The following CHRDL2 variants were observed in gnomAD, a reference collection of about 807,000 sequenced individuals.
CHRDL2 encodes chordin like 2.
In CHRDL2, 41 loss-of-function variants were observed where a neutral mutation model predicts 54.3. The observed-to-expected ratio is 0.76, with a 90% CI of 0.59 to 0.98. The LOEUF is 0.98. Among genes scored for constraint, CHRDL2 ranks in the 50% least tolerant of loss-of-function variants. The probability of loss-of-function intolerance (pLI) is 0.00; values close to 1 mark genes in which losing one functional copy is unlikely to be tolerated. For missense variants in CHRDL2, 518 were observed against 562.4 expected (o/e 0.92, Z 0.80); for synonymous variants, 220 against 224.3 (o/e 0.98, Z 0.17).
chr11:74,710,781 C>A, intron 4 of CHRDL2, 68 bp downstream of exon 4: 1 of 1,560,302 alleles, frequency 6.4e-7, no homozygotes, highest in South Asian at 1.2e-5. Flanking sequence ...AGTCCGCAGT[C>A]CAGGCTACTA....
chr11:74,704,504 T>A lies in CHRDL2; in HGVS notation c.733A>T (p.Lys245Ter). 6.3e-7 allele frequency: 1 copy of A among 1,584,316 alleles called. No individual in the cohort carries two copies. The highest frequency in any genetic ancestry group is 1.9e-5 in the Admixed American group (1 of 52,402). ...TCCCCACCTTTCTTATGTTTCTCCT[T>A]CAGGACGATCTTGACAGTTGTGCTG... ...AGSTTVKIVLKEKHKKACVHG... is the reference protein window; with the variant it reads ...AGSTTVKIVL The change falls in exon 7 of 11, where the codon AAG becomes TAG. Residue 245 changes from lysine to a stop codon, truncating the protein, a stop_gained. Coordinates refer to ENST00000376332, the MANE Select transcript of CHRDL2 (RefSeq NM_001278473.3). LOFTEE classifies it high-confidence loss of function.
chr11:74,703,251 G>T, intron 8 of CHRDL2, 54 bp downstream of exon 8: 1 of 1,519,508 alleles, frequency 6.6e-7, no homozygotes, highest in South Asian at 1.3e-5. Flanking sequence ...TGGGGAGAGA[G>T]ACCCAGGGCT....
At chr11:74,726,738 A>C (rs968490057) in intron 1 of CHRDL2, among the ~76,000 whole-genome samples, 1 of 152,192 alleles carries the variant, frequency 6.6e-6, no homozygotes, top group African/African-American at 2.4e-5. Context: ...TGCGCCAGTG[A>C]GTGAGGCAGA....
At chr11:74,707,380 A>G (rs1211572900) in intron 5 of CHRDL2, among the ~76,000 whole-genome samples, 2 of 152,010 alleles carry the variant, frequency 1.3e-5, no homozygotes, top group Admixed American at 6.6e-5. Context: ...CCTGAGTGCC[A>G]CCTCCTCCAG....
At chr11:74,725,007 T>C (rs1331902874) in intron 1 of CHRDL2, among the ~76,000 whole-genome samples, 2 of 152,048 alleles carry the variant, frequency 1.3e-5, no homozygotes, top group Non-Finnish European at 2.9e-5. Context: ...TTCTTTTTTT[T>C]TTTTTGAGAT....
chr11:74,727,357 C>T lies in CHRDL2; in HGVS notation c.82+3450G>A, dbSNP rs61896999. ...GGGTCCGGAATTCATCACCTGGGAA[C>T]GAAAGCTTCGATTCCCATAATAAAC... On this transcript the variant is annotated intron_variant, in intron 1 of 10. Coordinates refer to ENST00000376332, the MANE Select transcript of CHRDL2 (RefSeq NM_001278473.3). Among the ~76,000 whole-genome samples, 631 of 152,172 alleles carry T rather than the reference C, an allele frequency of 4.1e-3. 3 individuals are homozygous for T. Among genetic ancestry groups the T allele is most frequent in the Non-Finnish European group, 7.5e-3 (510 of 67,992 alleles).
At chr11:74,728,032 T>C (rs1418056895) in intron 1 of CHRDL2, among the ~76,000 whole-genome samples, 1 of 152,060 alleles carries the variant, frequency 6.6e-6, no homozygotes, top group African/African-American at 2.4e-5. Context: ...GTGGAATTGG[T>C]GTTCAACCTG....
intron 2 of CHRDL2, 47 bp from the exon 3 acceptor site, chr11:74,713,526 T>TC (rs2034262196): frequency 6.7e-7 from 1 of 1,485,114 alleles, no homozygotes; most frequent in African/African-American, 1.4e-5. Context: ...ACCATCGTCT[T>TC]CCACCTGTAC....
rs200798375 is a variant in CHRDL2, at chr11:74,730,856, C to G, written c.33G>C (p.Leu11Phe). MVPEVRVLSS[L>F]LGLALLWFPL... ...GGAACCAGAGCAGCGCGAGTCCCAG[C>G]AAGGAGGAGAGGACCCTCACCTCGG... Residue 11 changes from leucine (L) to phenylalanine (F), a missense_variant, in exon 1 of 11, where the codon TTG becomes TTC. Leu to Phe is a conservative substitution (Grantham distance 22, BLOSUM62 0). Coordinates refer to ENST00000376332, the MANE Select transcript of CHRDL2 (RefSeq NM_001278473.3). 1.1e-5 allele frequency: 17 copies of G among 1,612,778 alleles called. No homozygotes were observed. In the African/African-American group the frequency reaches 1.9e-4, roughly 18 times the overall value.
chr11:74,700,422 G>C lies in CHRDL2; in HGVS notation c.1120+2372C>G, dbSNP rs1206169951. ...GTTCATTGGCTCTTTACATCATTGA[G>C]GCCCATCCTTCACGAAGCCTTCCCT... On this transcript the variant is annotated intron_variant, in intron 9 of 10. Transcript: ENST00000376332. 3.3e-5 allele frequency among the ~76,000 whole-genome samples: 5 copies of C among 151,980 alleles called. No homozygotes were observed. In the East Asian group the frequency reaches 7.7e-4, roughly 24 times the overall value.
intron 2 of CHRDL2, among the ~76,000 whole-genome samples, chr11:74,716,116 CTG>C (rs1379212906): frequency 2.9e-4 from 44 of 152,188 alleles, no homozygotes; most frequent in African/African-American, 1.1e-3. Context: ...TGAGAAGGAA[CTG>C]TTCGTGAGAA....
chr11:74,701,983 G>A (rs2033828317), intron 9 of CHRDL2, among the ~76,000 whole-genome samples: 1 of 152,168 alleles, frequency 6.6e-6, no homozygotes, highest in Admixed American at 6.5e-5. Context: ...GCTGGGTGTC[G>A]TGGCTCACGC....
chr11:74,712,599 C>G (rs975494696), intron 3 of CHRDL2, among the ~76,000 whole-genome samples: 8 of 152,156 alleles, frequency 5.3e-5, no homozygotes, highest in Admixed American at 2.0e-4. Context: ...TGGGCTCCCC[C>G]CTGGAAAATG....
At chr11:74,720,648 C>T (rs2034480873) in intron 1 of CHRDL2, among the ~76,000 whole-genome samples, 1 of 152,220 alleles carries the variant, frequency 6.6e-6, no homozygotes, top group Non-Finnish European at 1.5e-5. Flanking sequence ...TGGGTTCTTA[C>T]ACTTCCTAAA....
rs958585136 is a variant in CHRDL2, at chr11:74,696,465, TAAC to T, written c.*41_*43del. ...CAACTTCTTATTTATTAATATATAA[TAAC>T]AACAATTATACAGCTCATATCTGCA... is the stretch of plus-strand genomic sequence containing the variant. On this transcript the variant is annotated 3_prime_UTR_variant, in exon 11 of 11. Coordinates refer to ENST00000376332, the MANE Select transcript of CHRDL2 (RefSeq NM_001278473.3). 30 of 1,478,510 alleles carry T rather than the reference TAAC, an allele frequency of 2.0e-5. No homozygotes were observed. Among genetic ancestry groups the T allele is most frequent in the African/African-American group, 1.1e-4 (8 of 72,198 alleles). The allele number at this position is 1,478,510 out of a possible 1,614,324, so 91.6% of individuals were successfully genotyped here.
chr11:74,696,959 C>T (rs2033616334), intron 10 of CHRDL2, among the ~76,000 whole-genome samples: 2 of 152,184 alleles, frequency 1.3e-5, no homozygotes, highest in African/African-American at 4.8e-5. Context: ...CTCAGACCTC[C>T]CCTCTCCACA....
At chr11:74,705,734 C>T (rs1268569595) in intron 6 of CHRDL2, among the ~76,000 whole-genome samples, 1 of 152,086 alleles carries the variant, frequency 6.6e-6, no homozygotes, top group Non-Finnish European at 1.5e-5. Context: ...TCCTGTGGTA[C>T]CCTCAGCTCT....
chr11:74,696,824 C>A (rs1487537413), intron 10 of CHRDL2, among the ~76,000 whole-genome samples: 2 of 152,208 alleles, frequency 1.3e-5, no homozygotes, highest in African/African-American at 4.8e-5. Flanking sequence ...TGGTAATACT[C>A]CCCTCTGTGA....
chr11:74,717,532 G>A (rs910804394), intron 2 of CHRDL2, among the ~76,000 whole-genome samples: 1 of 152,116 alleles, frequency 6.6e-6, no homozygotes. Context: ...TGGGGGTTGT[G>A]TCCCCATTTC....
Sources: allele counts gnomAD v4.1 joint callset (sites outside exome capture counted in the v4.1 genomes callset), GRCh38; gene constraint gnomAD v4.1.1; transcripts MANE v1.5; gene names NCBI Gene and HGNC (gene_info 2026-07-23, HGNC 2026-07-21).